The following NKAIN2 variants were observed in gnomAD, a reference collection of about 807,000 sequenced individuals.
NKAIN2 encodes the protein sodium/potassium transporting ATPase interacting 2.
NKAIN2 carries 14 observed loss-of-function variants against 32.6 expected under a neutral mutation model. The ratio of observed to expected loss-of-function variants is 0.43; its 90% CI spans 0.28 to 0.67. The LOEUF (loss-of-function observed/expected upper bound fraction) is 0.67, where lower values mean the gene tolerates loss of function less well. Ranked by LOEUF, NKAIN2 falls within the 30% of genes least tolerant of loss-of-function variation. The probability of loss-of-function intolerance (pLI) is 0.17; values close to 1 mark genes in which losing one functional copy is unlikely to be tolerated. For missense variants in NKAIN2, 198 were observed against 258.3 expected (o/e 0.77, Z 1.60); for synonymous variants, 80 against 87.2 (o/e 0.92, Z 0.46).
rs771967079 is a variant in NKAIN2 at position 124,658,280 on chromosome 6, C to T, written c.368C>T (p.Ala123Val). 1 of 1,613,912 alleles carries T rather than the reference C, an allele frequency of 6.2e-7. No homozygotes were observed. The highest frequency in any genetic ancestry group is 1.7e-5 in the Admixed American group (1 of 59,994). Residue 123 changes from alanine (A) to valine (V), a missense_variant, in exon 4 of 7, where the codon GCC becomes GTC. By Grantham distance (64) the Ala-to-Val change is moderately conservative. Transcript: ENST00000368417. ...TGTACGGTGACGTCAGTGACACCTG[C>T]CCCAGACTGGGCCCCAGAAGACCAT... ...PGCTVTSVTP[A>V]PDWAPEDHRY...
intron 1 of NKAIN2, among the ~76,000 whole-genome samples, chr6:124,214,467 T>C (rs948074589): frequency 2.6e-5 from 4 of 151,970 alleles, no homozygotes; most frequent in Non-Finnish European, 5.9e-5. Flanking sequence ...TCAAAACTTG[T>C]GGCGGGTGTG....
At chr6:124,810,706 G>A (rs1780860034) in intron 5 of NKAIN2, among the ~76,000 whole-genome samples, 1 of 151,758 alleles carries the variant, frequency 6.6e-6, no homozygotes, top group Admixed American at 6.6e-5. Flanking sequence ...GAAGCAAACT[G>A]AAAAATAAGG....
At chr6:124,543,030 G>C (rs114440083) in intron 3 of NKAIN2, among the ~76,000 whole-genome samples, 2,389 of 152,104 alleles carry the variant, frequency 0.016, 75 homozygotes, top group African/African-American at 0.055. Context: ...CATTAAATTA[G>C]AGCTTTGTTC....
chr6:124,178,894 G>A (rs1317011507), intron 1 of NKAIN2, among the ~76,000 whole-genome samples: 1 of 152,172 alleles, frequency 6.6e-6, no homozygotes, highest in Non-Finnish European at 1.5e-5. Flanking sequence ...GACTTTGAAA[G>A]ATAGTGTAAA....
rs118089028 is a variant in NKAIN2, at chr6:124,204,432, T to A, written c.55-78573T>A. Reference sequence around the variant, plus strand: ...TGATGACTCACTTTAAAAGCATAACTGACAAAAAAATATGAAAAAATAAAT... The same window carrying A: ...TGATGACTCACTTTAAAAGCATAACAGACAAAAAAATATGAAAAAATAAAT... On this transcript the variant is annotated intron_variant, in intron 1 of 6. Transcript: ENST00000368417. Among the ~76,000 whole-genome samples, 175 of 151,864 alleles carry A rather than the reference T, an allele frequency of 1.2e-3. 4 individuals are homozygous for A. The East Asian group carries it at 0.029, about 25-fold the overall frequency.
chr6:124,361,680 T>A (rs1022055552), intron 3 of NKAIN2, among the ~76,000 whole-genome samples: 25 of 152,118 alleles, frequency 1.6e-4, no homozygotes, highest in African/African-American at 5.8e-4. Context: ...TTTGAAAATT[T>A]GTTATATAAA....
chr6:123,863,774 A>G (rs1029700634), intron 1 of NKAIN2, among the ~76,000 whole-genome samples: 5 of 152,124 alleles, frequency 3.3e-5, no homozygotes, highest in Non-Finnish European at 7.4e-5. Context: ...TTCTTCTCTC[A>G]TCTTATAAAT....
intron 3 of NKAIN2, among the ~76,000 whole-genome samples, chr6:124,404,613 T>C (rs540108146): frequency 2.6e-4 from 39 of 151,430 alleles, no homozygotes; most frequent in African/African-American, 8.4e-4. Context: ...GGAAGGGAAG[T>C]CTTAATGATT....
At chr6:124,687,737 GATAT>G (rs1196602471) in intron 4 of NKAIN2, among the ~76,000 whole-genome samples, 1 of 44,664 alleles carries the variant, frequency 2.2e-5, no homozygotes, top group African/African-American at 7.3e-5. Context: ...AAATATATAT[GATAT>G]ATACACACAC....
chr6:124,432,262 T>C (rs1775251224), intron 3 of NKAIN2, among the ~76,000 whole-genome samples: 2 of 152,104 alleles, frequency 1.3e-5, no homozygotes, highest in Non-Finnish European at 2.9e-5. Context: ...TGAAAGACAG[T>C]TTAATCTGTA....
chr6:123,987,580 G>T (rs1056168670), intron 1 of NKAIN2, among the ~76,000 whole-genome samples: 2 of 152,086 alleles, frequency 1.3e-5, no homozygotes, highest in African/African-American at 4.8e-5. Flanking sequence ...GAACTCAAGG[G>T]CCTCTTCTGA....
intron 4 of NKAIN2, among the ~76,000 whole-genome samples, chr6:124,667,614 C>T (rs1027082250): frequency 1.3e-5 from 2 of 151,940 alleles, no homozygotes; most frequent in African/African-American, 4.8e-5. Flanking sequence ...TATTATGATA[C>T]AAATTTCTTA....
intron 3 of NKAIN2, among the ~76,000 whole-genome samples, chr6:124,421,467 T>C (rs1774746519): frequency 6.6e-6 from 1 of 152,194 alleles, no homozygotes; most frequent in African/African-American, 2.4e-5. Flanking sequence ...ACAGCAGAAA[T>C]GTTCAACTAA....
chr6:124,412,657 G>C (rs1774257091), intron 3 of NKAIN2, among the ~76,000 whole-genome samples: 1 of 152,188 alleles, frequency 6.6e-6, no homozygotes, highest in Non-Finnish European at 1.5e-5. Flanking sequence ...CCCATTCTCA[G>C]ATCTCAAGCT....
At chr6:124,670,216 T>C (rs1773030752) in intron 4 of NKAIN2, among the ~76,000 whole-genome samples, 1 of 152,112 alleles carries the variant, frequency 6.6e-6, no homozygotes, top group Admixed American at 6.6e-5. Context: ...TTGTTACTCA[T>C]CCATTCGATT....
intron 4 of NKAIN2, among the ~76,000 whole-genome samples, chr6:124,749,096 G>A (rs1777591387): frequency 6.6e-6 from 1 of 151,826 alleles, no homozygotes; most frequent in Admixed American, 6.6e-5. Flanking sequence ...GTTCTTTGAG[G>A]TTGTGTCACT....
At chr6:124,416,943 G>T (rs1332918795) in intron 3 of NKAIN2, among the ~76,000 whole-genome samples, 1 of 152,150 alleles carries the variant, frequency 6.6e-6, no homozygotes, top group Non-Finnish European at 1.5e-5. Context: ...TAGCAGCAAT[G>T]AAATGGTTTC....
intron 1 of NKAIN2, among the ~76,000 whole-genome samples, chr6:123,867,901 C>T (rs1225561197): frequency 7.1e-6 from 1 of 141,406 alleles, no homozygotes; most frequent in African/African-American, 2.7e-5. Flanking sequence ...CAGAGTCTTG[C>T]TCTGTCGCCC....
At chr6:124,153,295 A>G (rs1454739384) in intron 1 of NKAIN2, among the ~76,000 whole-genome samples, 1 of 151,844 alleles carries the variant, frequency 6.6e-6, no homozygotes, top group Non-Finnish European at 1.5e-5. Flanking sequence ...ATTAAAAAAT[A>G]TAAAAAGCAG....
Sources: allele counts gnomAD v4.1 joint callset (sites outside exome capture counted in the v4.1 genomes callset), GRCh38; gene constraint gnomAD v4.1.1; transcripts MANE v1.5; gene names NCBI Gene and HGNC (gene_info 2026-07-23, HGNC 2026-07-21).